AGBL1: variants seen among roughly 807,000 people sequenced by gnomAD.
AGBL1 encodes AGBL carboxypeptidase 1.
Under a neutral mutation model 118.9 loss-of-function variants are expected in AGBL1, and 130 were observed. The ratio of observed to expected loss-of-function variants is 1.09; its 90% CI spans 0.95 to 1.26. AGBL1 has a LOEUF of 1.26. Among genes scored for constraint, AGBL1 ranks in the 50% most tolerant of loss-of-function variants. The pLI is 0.00. For missense variants in AGBL1, 1,584 were observed against 1,298.1 expected, an observed-to-expected ratio of 1.22 and a Z score of -3.38; for synonymous variants, 555 against 478.9, an observed-to-expected ratio of 1.16 and a Z score of -2.08.
In AGBL1 at chr15:86,907,934, C is replaced by T. The variant is rs528490649; in HGVS notation, c.*640C>T. On this transcript the variant is annotated 3_prime_UTR_variant, in exon 23 of 23. Transcript: ENST00000614907. ...CTGCACTAGACTCTTAGAAATAAGA[C>T]ATTGTCACTGATCTTCACAGATTTT... is the stretch of plus-strand genomic sequence containing the variant. 3 of 152,290 alleles carry T rather than the reference C, an allele frequency of 2.0e-5. No homozygotes were observed. Among genetic ancestry groups the T allele is most frequent in the South Asian group, 4.1e-4 (2 of 4,826 alleles). 9.4% of individuals were successfully genotyped at this position (152,290 alleles called of 1,614,324 possible). A position where few individuals can be genotyped will look rare whatever the true frequency, so the allele number is the denominator to read the frequency against.
intron 22 of AGBL1, among the ~76,000 whole-genome samples, chr15:86,815,931 AAAGT>A (rs1398993082): frequency 7.2e-5 from 11 of 152,166 alleles, no homozygotes; most frequent in Admixed American, 2.0e-4. Flanking sequence ...GGGGAAGCAT[AAAGT>A]AAGTTCGTTG....
At chr15:86,484,561 G>C (rs988498972) in intron 18 of AGBL1, among the ~76,000 whole-genome samples, 1 of 152,126 alleles carries the variant, frequency 6.6e-6, no homozygotes, top group Non-Finnish European at 1.5e-5. Context: ...GGAAGCATGT[G>C]TTAAAATAGA....
At chr15:86,672,914 C>G (rs758942755) in intron 21 of AGBL1, among the ~76,000 whole-genome samples, 31 of 152,036 alleles carry the variant, frequency 2.0e-4, no homozygotes, top group African/African-American at 3.4e-4. Flanking sequence ...GATTTTCTAC[C>G]TTTTTAATGC....
intron 24 of AGBL1, chr15:86,988,168 G>T: frequency 6.6e-7 from 1 of 1,519,430 alleles, no homozygotes; most frequent in Non-Finnish European, 8.9e-7. Flanking sequence ...GACTACATTG[G>T]GACTGGACAA....
At chr15:86,709,595 G>A (rs79016955) in intron 22 of AGBL1, among the ~76,000 whole-genome samples, 23 of 152,098 alleles carry the variant, frequency 1.5e-4, no homozygotes, top group Middle Eastern at 6.8e-3. Context: ...TAATGATATC[G>A]CTGCTATGTG....
chr15:86,688,063 T>G (rs2086093853), intron 22 of AGBL1, among the ~76,000 whole-genome samples: 1 of 152,136 alleles, frequency 6.6e-6, no homozygotes, highest in Non-Finnish European at 1.5e-5. Context: ...GTATGAAACT[T>G]CCTTAAAAAG....
intron 22 of AGBL1, among the ~76,000 whole-genome samples, chr15:86,761,973 C>T (rs981927734): frequency 4.0e-5 from 6 of 151,888 alleles, no homozygotes; most frequent in South Asian, 2.1e-4. Context: ...TTGGGTTTTA[C>T]GTTTAAGTCT....
chr15:86,856,800 T>C (rs1312642565), intron 22 of AGBL1, among the ~76,000 whole-genome samples: 1 of 152,236 alleles, frequency 6.6e-6, no homozygotes, highest in Non-Finnish European at 1.5e-5. Flanking sequence ...TTAGATATTT[T>C]GTTTCCTCTT....
intron 22 of AGBL1, among the ~76,000 whole-genome samples, chr15:86,753,359 CT>C (rs1470193305): frequency 5.3e-5 from 8 of 150,814 alleles, no homozygotes; most frequent in Admixed American, 3.3e-4. Context: ...CAAGAGTAAC[CT>C]GGGGCAGGAA....
chr15:86,450,228 G>C (rs1160038380), intron 18 of AGBL1, among the ~76,000 whole-genome samples: 2 of 152,218 alleles, frequency 1.3e-5, no homozygotes, highest in African/African-American at 4.8e-5. Context: ...ATCTAAGGCA[G>C]TAATGCTTAT....
At chr15:86,640,155 G>A (rs1292472614) in intron 21 of AGBL1, among the ~76,000 whole-genome samples, 1 of 152,016 alleles carries the variant, frequency 6.6e-6, no homozygotes, top group African/African-American at 2.4e-5. Flanking sequence ...TGCAAAAATA[G>A]GCTTTTTCCT....
chr15:86,213,679 C>A (rs2078138270), intron 5 of AGBL1, among the ~76,000 whole-genome samples: 1 of 152,262 alleles, frequency 6.6e-6, no homozygotes, highest in East Asian at 1.9e-4. Flanking sequence ...CCCACAGACC[C>A]AAGCAACTTT....
intron 22 of AGBL1, among the ~76,000 whole-genome samples, chr15:86,790,759 T>A (rs1467009297): frequency 6.6e-6 from 1 of 152,130 alleles, no homozygotes; most frequent in African/African-American, 2.4e-5. Context: ...GTCATAGACA[T>A]TCACTATACT....
At chr15:86,483,053 C>A (rs765847551) in intron 18 of AGBL1, among the ~76,000 whole-genome samples, 1 of 151,852 alleles carries the variant, frequency 6.6e-6, no homozygotes, top group African/African-American at 2.4e-5. Context: ...GCTGAATATA[C>A]GTATTTATAA....
chr15:86,401,881 T>C (rs1264117536), intron 18 of AGBL1, among the ~76,000 whole-genome samples: 1 of 152,194 alleles, frequency 6.6e-6, no homozygotes, highest in Non-Finnish European at 1.5e-5. Flanking sequence ...TCGGGTAATG[T>C]GATGCCTCCA....
rs368890097 is a variant in AGBL1, at chr15:86,375,511, C to G, written c.2375-21855C>G. The stretch of plus-strand genomic sequence containing the variant: ...ATGAGATTTGGGAGGGGACACAGAG[C>G]CAAACCATGTCAGGTACAGAACTCA... On this transcript the variant is annotated intron_variant, in intron 17 of 22. Transcript: ENST00000614907. Among the ~76,000 whole-genome samples, 34 of 152,216 alleles carry G rather than the reference C, an allele frequency of 2.2e-4. No homozygotes were observed. The South Asian group carries it at 7.1e-3, about 32-fold the overall frequency.
At chr15:86,344,622 C>T (rs1476570553) in intron 17 of AGBL1, among the ~76,000 whole-genome samples, 1 of 151,596 alleles carries the variant, frequency 6.6e-6, no homozygotes, top group Non-Finnish European at 1.5e-5. Context: ...GCTGTATGAC[C>T]TAGAGCACAT....
At chr15:86,110,811 G>C (rs1002746456) in intron 1 of AGBL1, among the ~76,000 whole-genome samples, 6 of 152,202 alleles carry the variant, frequency 3.9e-5, no homozygotes, top group Admixed American at 3.9e-4. Context: ...GCCTAGCAGT[G>C]TCAGGGCAGA....
intron 1 of AGBL1, among the ~76,000 whole-genome samples, chr15:86,082,604 T>G (rs1895359531): frequency 6.6e-6 from 1 of 152,226 alleles, no homozygotes; most frequent in African/African-American, 2.4e-5. Flanking sequence ...CATTTCTGAC[T>G]CTTTAGGGGC....
Sources: allele counts gnomAD v4.1 joint callset (sites outside exome capture counted in the v4.1 genomes callset), GRCh38; gene constraint gnomAD v4.1.1; transcripts MANE v1.5; gene names NCBI Gene and HGNC (gene_info 2026-07-23, HGNC 2026-07-21).